Variants in LY86 observed in about 807,000 individuals in gnomAD.
LY86 encodes MD-1, RP105-associated.
A neutral mutation model predicts 17.3 loss-of-function variants in LY86; 20 were observed. The ratio of observed to expected loss-of-function variants is 1.15; its 90% CI spans 0.81 to 1.68. LY86 has a LOEUF of 1.68. Among genes scored for constraint, LY86 ranks in the 40% most tolerant of loss-of-function variants. The pLI, the probability that LY86 is intolerant of heterozygous loss-of-function variation, is 0.00. For missense variants in LY86, 200 were observed against 191.9 expected (o/e 1.04, Z -0.25); for synonymous variants, 74 against 70.6 (o/e 1.05, Z -0.24).
intron 3 of LY86, among the ~76,000 whole-genome samples, chr6:6,637,650 A>G (rs1055237949): frequency 6.6e-6 from 1 of 152,076 alleles, no homozygotes; most frequent in Non-Finnish European, 1.5e-5. Context: ...AGCTGCTGGT[A>G]TTTGCATTTT....
chr6:6,652,033 G>A (rs149984889), intron 4 of LY86, among the ~76,000 whole-genome samples: 1,241 of 117,792 alleles, frequency 0.011, 9 homozygotes, highest in Middle Eastern at 0.062. Context: ...TCCAGCCTGT[G>A]CAACAGAGGA....
chr6:6,613,892 A>G (rs115712772), intron 1 of LY86, among the ~76,000 whole-genome samples: 1,829 of 152,376 alleles, frequency 0.012, 24 homozygotes, highest in Non-Finnish European at 0.019. Context: ...AGTGCAGTGT[A>G]AAGAGCGAAG....
rs181163667 is a variant in LY86, at chr6:6,605,610, C to T, written c.136+16740C>T. 3.3e-5 allele frequency among the ~76,000 whole-genome samples: 5 copies of T among 152,366 alleles called. No homozygotes were observed. The East Asian group carries it at 7.7e-4, about 23-fold the overall frequency. ...CTGTCATAGTCTCATGACATTGCAG[C>T]CTCATCTCAGAAGCAACATTCCAAT... On this transcript the variant is annotated intron_variant, in intron 1 of 4. Transcript: ENST00000230568.
chr6:6,649,435 A>G (rs1013131721), intron 3 of LY86, among the ~76,000 whole-genome samples, 190 bp from the exon 4 acceptor site: 1 of 152,238 alleles, frequency 6.6e-6, no homozygotes, highest in Non-Finnish European at 1.5e-5. Flanking sequence ...TGCCCGACCA[A>G]TATTTGTGGC....
intron 1 of LY86, among the ~76,000 whole-genome samples, chr6:6,605,496 T>C (rs1269035265): frequency 6.6e-6 from 1 of 152,246 alleles, no homozygotes; most frequent in African/African-American, 2.4e-5. Flanking sequence ...TAGCCAGAGA[T>C]CAGTGCCTTG....
chr6:6,616,351 C>T (rs574918030), intron 1 of LY86, among the ~76,000 whole-genome samples: 67 of 152,170 alleles, frequency 4.4e-4, no homozygotes, highest in Non-Finnish European at 8.1e-4. Context: ...CTGTCTGCCT[C>T]GCTCATGTAC....
At chr6:6,636,885 C>T (rs1383910892) in intron 3 of LY86, among the ~76,000 whole-genome samples, 96 of 112,702 alleles carry the variant, frequency 8.5e-4, no homozygotes, top group Non-Finnish European at 1.3e-3. Context: ...CTCCTACCCT[C>T]GAACTGCAAA....
intron 1 of LY86, among the ~76,000 whole-genome samples, chr6:6,606,660 C>T (rs1455715079): frequency 6.6e-6 from 1 of 152,226 alleles, no homozygotes; most frequent in East Asian, 1.9e-4. Context: ...AGCACAGCAG[C>T]TACTGGCCCA....
At chr6:6,643,693 C>T (rs1561792531) in intron 3 of LY86, among the ~76,000 whole-genome samples, 1 of 136,414 alleles carries the variant, frequency 7.3e-6, no homozygotes, top group Non-Finnish European at 1.6e-5. Context: ...AGCATGCATA[C>T]ACACAAAAAC....
At chr6:6,603,096 T>TA (rs1372908149) in intron 1 of LY86, among the ~76,000 whole-genome samples, 1 of 152,132 alleles carries the variant, frequency 6.6e-6, no homozygotes, top group African/African-American at 2.4e-5. Context: ...TCTGTCCTTA[T>TA]ATGGCAGAAA....
intron 1 of LY86, among the ~76,000 whole-genome samples, chr6:6,621,980 C>A (rs774524171): frequency 9.2e-5 from 14 of 151,816 alleles, no homozygotes; most frequent in East Asian, 1.9e-4. Context: ...GAGGAAGAAC[C>A]AATGTCACTT....
intron 1 of LY86, among the ~76,000 whole-genome samples, chr6:6,603,632 AACACACAC>A (rs540840468): frequency 1.5e-5 from 2 of 135,810 alleles, no homozygotes; most frequent in African/African-American, 5.3e-5. Flanking sequence ...AAAAAAACAA[AACACACAC>A]ACACACACAC....
intron 4 of LY86, among the ~76,000 whole-genome samples, chr6:6,651,029 T>C (rs1049218274): frequency 5.3e-5 from 8 of 152,182 alleles, no homozygotes; most frequent in African/African-American, 1.7e-4. Flanking sequence ...GTTCCATCCA[T>C]GTTGCCACAA....
rs537210596 is a variant in LY86, at chr6:6,589,550, C to T, written c.136+680C>T. Reference sequence around the variant, plus strand: ...TGTGGTAAGAAGTGTCAGAACCAACCAATCGGGCTGTGTCTTAGTCAGCTA... The same window carrying T: ...TGTGGTAAGAAGTGTCAGAACCAACTAATCGGGCTGTGTCTTAGTCAGCTA... On this transcript the variant is annotated intron_variant, in intron 1 of 4. Transcript: ENST00000230568. Among the ~76,000 whole-genome samples, 10 of 152,318 alleles carry T rather than the reference C, an allele frequency of 6.6e-5. No individual in the cohort carries two copies. In the East Asian group the frequency reaches 1.9e-3, roughly 29 times the overall value.
chr6:6,594,400 TAC>T (rs199513638), intron 1 of LY86, among the ~76,000 whole-genome samples: 1,562 of 152,304 alleles, frequency 0.01, 15 homozygotes, highest in South Asian at 0.026. Context: ...TGTCCATAAA[TAC>T]AGTTTTATTT....
intron 4 of LY86, among the ~76,000 whole-genome samples, chr6:6,650,384 G>A (rs556885446): frequency 7.4e-4 from 112 of 150,768 alleles, no homozygotes; most frequent in Non-Finnish European, 1.3e-3. Flanking sequence ...TCCCAGGCTG[G>A]AGTGCAGGGG....
chr6:6,629,007 A>G (rs1581248413), intron 3 of LY86, among the ~76,000 whole-genome samples: 1 of 152,220 alleles, frequency 6.6e-6, no homozygotes, highest in Non-Finnish European at 1.5e-5. Context: ...AATAGGATTG[A>G]TAAAACAGAA....
intron 3 of LY86, among the ~76,000 whole-genome samples, chr6:6,630,884 T>A (rs920176837): frequency 6.6e-6 from 1 of 152,220 alleles, no homozygotes; most frequent in African/African-American, 2.4e-5. Context: ...AGAAAAAGAA[T>A]GTAAAATATC....
chr6:6,652,075 A>AG (rs1208559565), intron 4 of LY86, among the ~76,000 whole-genome samples: 3 of 148,316 alleles, frequency 2.0e-5, no homozygotes, highest in African/African-American at 7.8e-5. Context: ...AAAAAAAAAA[A>AG]AAAAAAGGAA....
Sources: gnomAD v4.1 joint callset for allele counts (sites outside exome capture counted in the v4.1 genomes callset) on GRCh38, gnomAD v4.1.1 for gene constraint, MANE v1.5 for transcripts, NCBI Gene and HGNC (gene_info 2026-07-23, HGNC 2026-07-21) for gene names.